COL27A1: variants seen among roughly 807,000 people sequenced by gnomAD.
COL27A1 encodes collagen alpha-1(XXVII) chain.
Under a neutral mutation model 251.3 loss-of-function variants are expected in COL27A1, and 106 were observed. That is an observed-to-expected ratio of 0.42 (90% CI 0.36 to 0.50). The LOEUF (loss-of-function observed/expected upper bound fraction) is 0.50. Ranked by LOEUF, COL27A1 falls within the 20% of genes least tolerant of loss-of-function variation. The pLI is 0.00. For synonymous variants in COL27A1, 1,000 were observed against 986.3 expected (o/e 1.01, Z -0.26); for missense variants, 2,325 against 2,522.8 (o/e 0.92, Z 1.68).
intron 3 of COL27A1, among the ~76,000 whole-genome samples, chr9:114,176,792 A>C (rs138742357): frequency 1.3e-5 from 2 of 152,200 alleles, no homozygotes; most frequent in Non-Finnish European, 2.9e-5. Flanking sequence ...GCTCTTGCCC[A>C]GTGACCTTGG....
At chr9:114,305,467 T>C (rs753119729) in intron 57 of COL27A1, among the ~76,000 whole-genome samples, 2 of 152,166 alleles carry the variant, frequency 1.3e-5, no homozygotes. Flanking sequence ...ACCTGCAACA[T>C]CCTTAACATG....
chr9:114,174,869 G>A (rs531263773), intron 3 of COL27A1, among the ~76,000 whole-genome samples: 1 of 152,164 alleles, frequency 6.6e-6, no homozygotes, highest in Non-Finnish European at 1.5e-5. Context: ...AGCTCAGATG[G>A]TCAGAGATGG....
chr9:114,288,499 A>G lies in COL27A1; in HGVS notation c.4032A>G (p.Pro1344=), dbSNP rs752662515. 1.2e-6 allele frequency: 2 copies of G among 1,607,226 alleles called. No individual in the cohort carries two copies. Among genetic ancestry groups the G allele is most frequent in the East Asian group, 2.2e-5 (1 of 44,670 alleles). The change falls in exon 42 of 61, where the codon CCA becomes CCG. Residue 1344 remains proline (P), a synonymous_variant. Transcript: ENST00000356083. Reference sequence around the variant, plus strand: ...GCAAGGCTGAGGGGCCCCCTGGGCCACCTGGAGATCGGGTAAGCCCCCTCC... The same window carrying G: ...GCAAGGCTGAGGGGCCCCCTGGGCCGCCTGGAGATCGGGTAAGCCCCCTCC... ...EDGKAEGPPG[P]PGDRGPVGDR... is the part of the protein sequence containing the mutation.
intron 4 of COL27A1, among the ~76,000 whole-genome samples, chr9:114,179,982 G>C (rs545364321): frequency 1.5e-3 from 222 of 152,080 alleles, no homozygotes; most frequent in Middle Eastern, 3.4e-3. Context: ...GGGATTACAA[G>C]CACACGCCCC....
chr9:114,162,709 C>G lies in COL27A1; in HGVS notation c.63-6C>G. 2.5e-6 allele frequency: 4 copies of G among 1,610,718 alleles called. No individual in the cohort carries two copies. The highest frequency in any genetic ancestry group is 3.4e-6 in the Non-Finnish European group (4 of 1,177,972). ...GCCGCCTCTGCTTGTGTCTCCTGGTCTCTAGGGGGTTTCTCTTCTCCTGGA... is the reference window on the plus strand; with the variant it reads ...GCCGCCTCTGCTTGTGTCTCCTGGTGTCTAGGGGGTTTCTCTTCTCCTGGA... On this transcript the variant is annotated splice_region_variant and splice_polypyrimidine_tract_variant and intron_variant, in intron 1 of 60. Transcript: ENST00000356083.
At chr9:114,176,519 G>A (rs556052114) in intron 3 of COL27A1, among the ~76,000 whole-genome samples, 210 of 147,724 alleles carry the variant, frequency 1.4e-3, no homozygotes, top group African/African-American at 4.8e-3. Context: ...TTTGCTCAAA[G>A]CCACCCAGAT....
Position 114,265,104 on chromosome 9 carries a change from C to G in COL27A1, c.3333C>G (p.Gly1111=). 6 of 1,611,148 alleles carry G rather than the reference C, an allele frequency of 3.7e-6. No homozygotes were observed. The highest frequency in any genetic ancestry group is 5.1e-6 in the Non-Finnish European group (6 of 1,179,270). ...AGERGHLGSR[G]FPGIPGPSGP... The stretch of plus-strand genomic sequence containing the variant: ...AGCGAGGCCACTTGGGCTCGAGAGG[C>G]TTTCCTGTAAGTAGCACCAGTTCTT... The change falls in exon 31 of 61, where the codon GGC becomes GGG. Residue 1111 remains glycine, a synonymous_variant. Transcript: ENST00000356083.
rs897674413 is a variant in COL27A1 at position 114,247,129 on chromosome 9, C to T, written c.2979+1219C>T. Among the ~76,000 whole-genome samples, 3 of 152,050 alleles carry T rather than the reference C, an allele frequency of 2.0e-5. No homozygotes were observed. The East Asian group carries it at 5.8e-4, about 29-fold the overall frequency. On this transcript the variant is annotated intron_variant, in intron 24 of 60. Coordinates refer to ENST00000356083, the MANE Select transcript of COL27A1 (RefSeq NM_032888.4). The stretch of plus-strand genomic sequence containing the variant: ...AAAGGAAACTGATTATATAGAAATG[C>T]AATTATGAAAATATGTTAAAATATA...
rs138826081 is a variant in COL27A1, at chr9:114,297,338, A to G, written c.4585-2732A>G. Among the ~76,000 whole-genome samples the G allele has an allele frequency of 8.4e-3, 1,286 of 152,352 alleles. 9 individuals are homozygous for G. Among genetic ancestry groups the G allele is most frequent in the Non-Finnish European group, 0.013 (884 of 68,026 alleles). ...ACGCAACTGGTTCTGTGAAGCCAGTATTATCCTGATACCCCAACCAGAAAA... is the reference window on the plus strand; with the variant it reads ...ACGCAACTGGTTCTGTGAAGCCAGTGTTATCCTGATACCCCAACCAGAAAA... On this transcript the variant is annotated intron_variant, in intron 49 of 60. Coordinates refer to ENST00000356083, the MANE Select transcript of COL27A1 (RefSeq NM_032888.4).
rs752657028 is a variant in COL27A1 at position 114,283,772 on chromosome 9, T to C, written c.3933+10T>C. 6.2e-7 allele frequency: 1 copy of C among 1,613,920 alleles called. No homozygotes were observed. The highest frequency in any genetic ancestry group is 1.1e-5 in the South Asian group (1 of 91,064). On this transcript the variant is annotated intron_variant, in intron 40 of 60. Coordinates refer to ENST00000356083, the MANE Select transcript of COL27A1 (RefSeq NM_032888.4). ...ACTGGCTGGTTATGATGTAAGCAGA[T>C]ATCACCTCACCCCACCCCCCGACTC...
At chr9:114,299,219 T>C (rs1376317869) in intron 49 of COL27A1, among the ~76,000 whole-genome samples, 1 of 152,182 alleles carries the variant, frequency 6.6e-6, no homozygotes, top group Non-Finnish European at 1.5e-5. Flanking sequence ...TGACGTATTA[T>C]CCTATTTTAC....
At chr9:114,161,103 T>C in intron 1 of COL27A1, among the ~76,000 whole-genome samples, 1 of 152,202 alleles carries the variant, frequency 6.6e-6, no homozygotes, top group Admixed American at 6.5e-5. Context: ...CAACAGTGTC[T>C]TCAGACACCC....
chr9:114,229,408 G>A (rs982270006), intron 14 of COL27A1, among the ~76,000 whole-genome samples: 1 of 152,044 alleles, frequency 6.6e-6, no homozygotes, highest in Non-Finnish European at 1.5e-5. Context: ...CTTCCTCCAG[G>A]AGCCAGGGAG....
At chr9:114,170,209 G>A (rs967077523) in intron 3 of COL27A1, among the ~76,000 whole-genome samples, 2 of 152,166 alleles carry the variant, frequency 1.3e-5, no homozygotes, top group African/African-American at 2.4e-5. Context: ...TGTAACCCCC[G>A]GTAGGAGTTT....
intron 19 of COL27A1, 29 bp from the exon 20 acceptor site, chr9:114,240,191 G>A (rs552777514): frequency 6.2e-7 from 1 of 1,605,508 alleles, no homozygotes; most frequent in African/African-American, 1.3e-5. Flanking sequence ...CAGCCCCCGT[G>A]GGTGACCCTG....
chr9:114,291,439 A>T (rs1468041973), intron 48 of COL27A1, among the ~76,000 whole-genome samples: 1 of 152,186 alleles, frequency 6.6e-6, no homozygotes, highest in Non-Finnish European at 1.5e-5. Context: ...GACCCAGGGA[A>T]GATGTGAATG....
intron 57 of COL27A1, among the ~76,000 whole-genome samples, chr9:114,305,530 C>A (rs1252673247): frequency 6.6e-6 from 1 of 152,190 alleles, no homozygotes; most frequent in East Asian, 1.9e-4. Context: ...TCTGCATTGG[C>A]GGTAGAATAG....
In COL27A1 at chr9:114,264,388, C is replaced by A; in HGVS notation, c.3229C>A (p.Gln1077Lys). Residue 1077 changes from glutamine to lysine, a missense_variant, in exon 29 of 61, where the codon CAA becomes AAA. This residue lies in a region of COL27A1 where 662 missense variants were observed against 795.3 expected (regional missense o/e 0.83). Coordinates refer to ENST00000356083, the MANE Select transcript of COL27A1 (RefSeq NM_032888.4). ...AGGACCGGACGGACCAGCTGGGGAG[C>A]AAGGGTCCAGGGGCCTGAAGGTACC... Reference protein sequence around the residue: ...PRGPDGPAGEQGSRGLKGPPG... With the variant: ...PRGPDGPAGEKGSRGLKGPPG... 6.3e-7 allele frequency: 1 copy of A among 1,596,210 alleles called. No individual in the cohort carries two copies. Among genetic ancestry groups the A allele is most frequent in the South Asian group, 1.1e-5 (1 of 87,910 alleles).
Position 114,167,887 on chromosome 9 carries a change from A to G in COL27A1, c.332A>G (p.His111Arg). 1 of 1,613,278 alleles carries G rather than the reference A, an allele frequency of 6.2e-7. No homozygotes were observed. The highest frequency in any genetic ancestry group is 8.5e-7 in the Non-Finnish European group (1 of 1,179,868). Residue 111 changes from histidine (H) to arginine (R), a missense_variant, in exon 3 of 61, where the codon CAT becomes CGT. Physicochemically the swap from His to Arg is conservative, Grantham distance 29. This residue lies in a region of COL27A1 where 1,183 missense variants were observed against 1,144.1 expected (regional missense o/e 1.03). Coordinates refer to ENST00000356083, the MANE Select transcript of COL27A1 (RefSeq NM_032888.4). ...VLSLCSHRVN[H>R]AFLFAVRSQK... The stretch of plus-strand genomic sequence containing the variant: ...AGCCTCTGCTCCCACCGGGTGAACC[A>G]TGCCTTCCTCTTCGCTGTCCGCAGC...
Sources: gnomAD v4.1 joint callset for allele counts (sites outside exome capture counted in the v4.1 genomes callset) on GRCh38, gnomAD v4.1.1 for gene constraint, gnomAD v4.1.1 regional missense constraint, MANE v1.5 for transcripts, NCBI Gene and HGNC (gene_info 2026-07-23, HGNC 2026-07-21) for gene names.